Variants in CD109 observed in about 807,000 individuals in gnomAD.
CD109 encodes CD109 molecule.
CD109 carries 149 observed loss-of-function variants against 165.8 expected under a neutral mutation model. The ratio of observed to expected loss-of-function variants is 0.90; its 90% CI spans 0.79 to 1.03. The LOEUF is 1.03. CD109 is among the 50% of genes least tolerant of loss of function. The pLI is 0.00. For missense variants in CD109, 1,712 were observed against 1,677.8 expected (o/e 1.02, Z -0.36); for synonymous variants, 585 against 592.1 (o/e 0.99, Z 0.18).
At chr6:73,809,544 G>A (rs1218558058) in intron 26 of CD109, among the ~76,000 whole-genome samples, 2 of 152,066 alleles carry the variant, frequency 1.3e-5, no homozygotes, top group East Asian at 1.9e-4. Context: ...AAATTTACAA[G>A]TATATAGGTT....
chr6:73,680,887 T>C, the CD109 span, among the ~76,000 whole-genome samples: 1 of 152,138 alleles, frequency 6.6e-6, no homozygotes, highest in Non-Finnish European at 1.5e-5. Flanking sequence ...TCCCTTGAGG[T>C]GTTGTCTCCA....
chr6:73,770,950 C>T (rs1363192612), intron 14 of CD109, among the ~76,000 whole-genome samples: 1 of 152,216 alleles, frequency 6.6e-6, no homozygotes, highest in African/African-American at 2.4e-5. Flanking sequence ...TAACCACCCA[C>T]TCCCTTGGAA....
intron 3 of CD109, among the ~76,000 whole-genome samples, chr6:73,728,325 A>T (rs1772217072): frequency 6.6e-6 from 1 of 152,176 alleles, no homozygotes; most frequent in Admixed American, 6.5e-5. Context: ...AAAACAAAAC[A>T]AAACAAAACA....
intron 24 of CD109, among the ~76,000 whole-genome samples, chr6:73,805,939 C>T (rs548865343): frequency 1.3e-5 from 2 of 152,166 alleles, no homozygotes; most frequent in Non-Finnish European, 2.9e-5. Context: ...CCTATGTCTA[C>T]TTCTTTCTAC....
chr6:73,734,383 T>G (rs1294242645), intron 4 of CD109, among the ~76,000 whole-genome samples: 1 of 152,228 alleles, frequency 6.6e-6, no homozygotes, highest in Non-Finnish European at 1.5e-5. Flanking sequence ...CACCAAGAAT[T>G]ATTGTTATTA....
At chr6:73,697,970 C>T (rs1217083392) in intron 2 of CD109, among the ~76,000 whole-genome samples, 1 of 152,060 alleles carries the variant, frequency 6.6e-6, no homozygotes, top group African/African-American at 2.4e-5. Context: ...TAATGTGTGC[C>T]CCAGAAGAGG....
chr6:73,704,163 G>C (rs1771179180), intron 2 of CD109, among the ~76,000 whole-genome samples: 1 of 144,272 alleles, frequency 6.9e-6, no homozygotes, highest in Admixed American at 7.0e-5. Context: ...CTGGGTGACA[G>C]AGCAAGACTC....
rs117457886 is a variant in CD109, at chr6:73,756,890, A to G, written c.673+208A>G. Among the ~76,000 whole-genome samples the G allele has an allele frequency of 3.3e-3, 503 of 152,296 alleles. 2 individuals carry two copies. The highest frequency in any genetic ancestry group is 5.7e-3 in the Non-Finnish European group (387 of 68,028). The stretch of plus-strand genomic sequence containing the variant: ...AGAAAAAAGTAGAAAAAAATCACCT[A>G]TAGTTGCATTGTGCTAGTCTTTTTC... On this transcript the variant is annotated intron_variant, in intron 6 of 32. Transcript: ENST00000287097.
chr6:73,693,237 C>A (rs1447038216), upstream of CD109, among the ~76,000 whole-genome samples: 1 of 152,026 alleles, frequency 6.6e-6, no homozygotes, highest in Non-Finnish European at 1.5e-5. Flanking sequence ...CTGGTGAGGT[C>A]CTCAGGCTGC....
At chr6:73,750,720 T>C (rs979091008) in intron 5 of CD109, among the ~76,000 whole-genome samples, 7 of 152,218 alleles carry the variant, frequency 4.6e-5, no homozygotes. Context: ...ATTTATGTTA[T>C]GGTATTCCTA....
intron 2 of CD109, among the ~76,000 whole-genome samples, chr6:73,713,783 T>C (rs1222519829): frequency 6.6e-6 from 1 of 152,220 alleles, no homozygotes; most frequent in Non-Finnish European, 1.5e-5. Flanking sequence ...CAAATCTGTT[T>C]AGCTTGTTTT....
intron 2 of CD109, among the ~76,000 whole-genome samples, chr6:73,716,096 A>T (rs1254724822): frequency 6.6e-6 from 1 of 152,232 alleles, no homozygotes; most frequent in East Asian, 1.9e-4. Flanking sequence ...ATGTTGTTGC[A>T]AATGACAGGA....
intron 24 of CD109, among the ~76,000 whole-genome samples, chr6:73,806,641 G>A (rs903250738): frequency 2.6e-5 from 4 of 152,340 alleles, no homozygotes; most frequent in African/African-American, 7.2e-5. Flanking sequence ...GTGGAAACCA[G>A]TTCTGCCTGC....
At chr6:73,686,456 A>C in the CD109 span, among the ~76,000 whole-genome samples, 1 of 152,148 alleles carries the variant, frequency 6.6e-6, no homozygotes, top group Non-Finnish European at 1.5e-5. Flanking sequence ...AAATCTAGAA[A>C]TTTAATCAGA....
Position 73,788,571 on chromosome 6 carries a change from A to T in CD109, c.2660A>T (p.Asn887Ile). The T allele has an allele frequency of 6.2e-7, 1 of 1,613,544 alleles. No homozygotes were observed. Among genetic ancestry groups the T allele is most frequent in the Non-Finnish European group, 8.5e-7 (1 of 1,179,780 alleles). Residue 887 changes from asparagine (N) to isoleucine (I), a missense_variant, in exon 22 of 33, where the codon AAT (asparagine) becomes ATT (isoleucine). By Grantham distance (149) the Asn-to-Ile change is moderately radical (BLOSUM62 -3). Coordinates refer to ENST00000287097, the MANE Select transcript of CD109 (RefSeq NM_133493.5). Reference sequence around the variant, plus strand: ...ACTTTGAGTTTCTCATTTCCTCCTAATACAGTGACTGGCAGTGAAAGAGTT... The same window carrying T: ...ACTTTGAGTTTCTCATTTCCTCCTATTACAGTGACTGGCAGTGAAAGAGTT... ...LKTLSFSFPP[N>I]TVTGSERVQI...
chr6:73,694,319 A>T (rs1356493913), upstream of CD109: 4 of 152,198 alleles, frequency 2.6e-5, no homozygotes, highest in Admixed American at 2.6e-4. Flanking sequence ...ATGCAAATCC[A>T]TATGCCTAAA....
chr6:73,794,448 G>A (rs1775085113), intron 23 of CD109, among the ~76,000 whole-genome samples: 1 of 152,182 alleles, frequency 6.6e-6, no homozygotes. Context: ...GAGGAACATG[G>A]GGTCCTGTAG....
chr6:73,802,305 A>T (rs1357537948), intron 23 of CD109, among the ~76,000 whole-genome samples: 293 of 47,552 alleles, frequency 6.2e-3, no homozygotes, highest in African/African-American at 9.8e-3. Flanking sequence ...ATATATATAT[A>T]TTTTTTTTTT....
At chr6:73,708,942 C>T (rs943252928) in intron 2 of CD109, among the ~76,000 whole-genome samples, 3 of 152,126 alleles carry the variant, frequency 2.0e-5, no homozygotes, top group African/African-American at 4.8e-5. Flanking sequence ...TTCTCCCATT[C>T]TGTAGGCTGC....
Sources: gnomAD v4.1 joint callset for allele counts (sites outside exome capture counted in the v4.1 genomes callset) on GRCh38, gnomAD v4.1.1 for gene constraint, MANE v1.5 for transcripts, NCBI Gene and HGNC (gene_info 2026-07-23, HGNC 2026-07-21) for gene names.